Variants in COX10 observed in about 807,000 individuals in gnomAD.
COX10 encodes the protein protoheme IX farnesyltransferase, mitochondrial.
Under a neutral mutation model 37.3 loss-of-function variants are expected in COX10, and 27 were observed. The observed-to-expected ratio is 0.72, with a 90% CI of 0.53 to 1.00. The LOEUF (loss-of-function observed/expected upper bound fraction) is 1.00, where lower values mean the gene tolerates loss of function less well. Among genes scored for constraint, COX10 ranks in the 50% least tolerant of loss-of-function variants. The pLI is 0.00. For synonymous variants in COX10, 222 were observed against 229.1 expected (o/e 0.97, Z 0.28); for missense variants, 475 against 563.2 (o/e 0.84, Z 1.59).
chr17:14,097,557 T>C (rs1915677244), intron 3 of COX10, among the ~76,000 whole-genome samples: 1 of 152,156 alleles, frequency 6.6e-6, no homozygotes, highest in African/African-American at 2.4e-5. Flanking sequence ...CAGTCAAACA[T>C]TTGATGTACT....
chr17:14,206,717 C>A (rs1253792860), intron 6 of COX10, 93 bp from the exon 7 acceptor site: 2 of 1,517,914 alleles, frequency 1.3e-6, no homozygotes, highest in Non-Finnish European at 9.1e-7. Context: ...TTCTGAGGTG[C>A]CAGGCAGGCT....
At chr17:14,089,379 C>A (rs919731410) in intron 3 of COX10, among the ~76,000 whole-genome samples, 1 of 152,196 alleles carries the variant, frequency 6.6e-6, no homozygotes, top group Non-Finnish European at 1.5e-5. Context: ...GATCTGGCAG[C>A]AGTTTCTCCC....
chr17:14,102,285 TTCC>T, intron 4 of COX10, 43 bp downstream of exon 4: 1 of 1,612,202 alleles, frequency 6.2e-7, no homozygotes, highest in Non-Finnish European at 8.5e-7. Context: ...TTGTCACTTT[TTCC>T]TAGATGGCTG....
chr17:14,113,107 C>G (rs1484708364), intron 4 of COX10, among the ~76,000 whole-genome samples: 1 of 152,128 alleles, frequency 6.6e-6, no homozygotes, highest in Non-Finnish European at 1.5e-5. Context: ...CACGTCCGAA[C>G]TACAGGATCT....
chr17:14,172,101 C>T (rs1003909203), intron 5 of COX10, among the ~76,000 whole-genome samples: 4 of 152,090 alleles, frequency 2.6e-5, no homozygotes, highest in Non-Finnish European at 5.9e-5. Context: ...CCTAACCCTC[C>T]TTCCATCTGT....
At position 14,122,729 on chromosome 17, in the gene COX10, T is replaced by C. The variant is rs115749970; in HGVS notation, c.624+20487T>C. Among the ~76,000 whole-genome samples the C allele has an allele frequency of 4.2e-3, 637 of 152,298 alleles. 4 individuals carry two copies. Among genetic ancestry groups the C allele is most frequent in the African/African-American group, 0.015 (608 of 41,562 alleles). On this transcript the variant is annotated intron_variant, in intron 4 of 6. Coordinates refer to ENST00000261643, the MANE Select transcript of COX10 (RefSeq NM_001303.4). ...TGCCACAGAATACTTGCACCATCTC[T>C]TAGTCATGTTAAACACGAGGTGACT...
chr17:14,181,613 G>C (rs1364311868), intron 5 of COX10, among the ~76,000 whole-genome samples: 1 of 152,134 alleles, frequency 6.6e-6, no homozygotes, highest in Non-Finnish European at 1.5e-5. Context: ...TTTTTAAGTA[G>C]AGTCTTATAA....
chr17:14,164,758 G>A (rs1183206458), intron 5 of COX10, among the ~76,000 whole-genome samples: 1 of 152,118 alleles, frequency 6.6e-6, no homozygotes, highest in African/African-American at 2.4e-5. Flanking sequence ...GAAGCCCTTC[G>A]CCAGACATTA....
chr17:14,161,363 A>G (rs1471659094), intron 5 of COX10, among the ~76,000 whole-genome samples: 3 of 152,230 alleles, frequency 2.0e-5, no homozygotes, highest in African/African-American at 7.2e-5. Context: ...TAGTAAAATC[A>G]TGTTAGGTGG....
intron 4 of COX10, among the ~76,000 whole-genome samples, chr17:14,133,972 AAG>A (rs1212079108): frequency 6.6e-6 from 1 of 151,628 alleles, no homozygotes; most frequent in African/African-American, 2.4e-5. Context: ...GACTTTTACT[AAG>A]AGGAACCCTG....
chr17:14,098,818 A>G (rs1915707647), intron 3 of COX10, among the ~76,000 whole-genome samples: 2 of 152,124 alleles, frequency 1.3e-5, no homozygotes, highest in African/African-American at 4.8e-5. Context: ...TTACTTTGAA[A>G]TTGAGTATTC....
chr17:14,118,603 A>G (rs1214291939), intron 4 of COX10, among the ~76,000 whole-genome samples: 1 of 152,160 alleles, frequency 6.6e-6, no homozygotes, highest in African/African-American at 2.4e-5. Context: ...CTAACATTAG[A>G]CAATGTTAAA....
At chr17:14,189,567 G>A (rs1906138734) in intron 5 of COX10, among the ~76,000 whole-genome samples, 1 of 152,134 alleles carries the variant, frequency 6.6e-6, no homozygotes, top group African/African-American at 2.4e-5. Context: ...TTTGATAAGG[G>A]CTCTTTTCAA....
chr17:14,176,025 T>C (rs1414369083), intron 5 of COX10, among the ~76,000 whole-genome samples: 2 of 151,988 alleles, frequency 1.3e-5, no homozygotes, highest in Non-Finnish European at 2.9e-5. Context: ...CAGATTTAGG[T>C]TAAAAGAACC....
rs2529631 is a variant in COX10, at chr17:14,188,421, T to C, written c.696-3568T>C. Reference sequence around the variant, plus strand: ...AGATAGATGGTTCCAGGTCATATGATGTATGAGGGAACTTCAAAAAGATTA... The same window carrying C: ...AGATAGATGGTTCCAGGTCATATGACGTATGAGGGAACTTCAAAAAGATTA... On this transcript the variant is annotated intron_variant, in intron 5 of 6. Transcript: ENST00000261643. Among the ~76,000 whole-genome samples the C allele has an allele frequency of 3.8e-3, 572 of 151,516 alleles. 15 individuals carry two copies. Among genetic ancestry groups the C allele is most frequent in the Admixed American group, 0.032 (490 of 15,162 alleles).
chr17:14,167,883 C>T (rs940140830), intron 5 of COX10, among the ~76,000 whole-genome samples: 1 of 152,128 alleles, frequency 6.6e-6, no homozygotes, highest in Admixed American at 6.5e-5. Flanking sequence ...CATATCATTC[C>T]ACCCCTGGCT....
chr17:14,174,192 G>A (rs1905578832), intron 5 of COX10, among the ~76,000 whole-genome samples: 2 of 152,104 alleles, frequency 1.3e-5, no homozygotes, highest in Admixed American at 1.3e-4. Flanking sequence ...GGGCACAGTG[G>A]CTCAGGCCTG....
rs181423112 is a variant in COX10 at position 14,157,270 on chromosome 17, A to C, written c.625-2607A>C. Among the ~76,000 whole-genome samples, 119 of 152,342 alleles carry C rather than the reference A, an allele frequency of 7.8e-4. 1 individual carries two copies. The highest frequency in any genetic ancestry group is 2.8e-3 in the African/African-American group (117 of 41,588). ...CTTCTTGAAAGCAGGTTCTGAATCTAACTGACTTTTGTATCCCCATTGTAT... is the reference window on the plus strand; with the variant it reads ...CTTCTTGAAAGCAGGTTCTGAATCTCACTGACTTTTGTATCCCCATTGTAT... On this transcript the variant is annotated intron_variant, in intron 4 of 6. Transcript: ENST00000261643.
chr17:14,173,618 G>T (rs1227467147), intron 5 of COX10, among the ~76,000 whole-genome samples: 3 of 152,212 alleles, frequency 2.0e-5, no homozygotes, highest in Non-Finnish European at 4.4e-5. Context: ...CTGGGAAGAG[G>T]TTAAGGAAAA....
Sources: gnomAD v4.1 joint callset for allele counts (sites outside exome capture counted in the v4.1 genomes callset) on GRCh38, gnomAD v4.1.1 for gene constraint, MANE v1.5 for transcripts, NCBI Gene and HGNC (gene_info 2026-07-23, HGNC 2026-07-21) for gene names.